Variants in TM2D1 observed in about 807,000 individuals in gnomAD.
TM2D1 encodes the protein TM2 domain containing 1, also known as TM2 domain-containing protein 1.
TM2D1 carries 15 observed loss-of-function variants against 28.4 expected under a neutral mutation model. The ratio of observed to expected loss-of-function variants is 0.53; its 90% CI spans 0.35 to 0.81. The LOEUF (loss-of-function observed/expected upper bound fraction) is 0.81, where lower values mean the gene tolerates loss of function less well. Ranked by LOEUF, TM2D1 falls within the 40% of genes least tolerant of loss-of-function variation. TM2D1 has a pLI of 0.01. For synonymous variants in TM2D1, 93 were observed against 96.2 expected, an observed-to-expected ratio of 0.97 and a Z score of 0.20; for missense variants, 236 against 254.9, an observed-to-expected ratio of 0.93 and a Z score of 0.50.
At chr1:61,716,417 A>G (rs920657427) in intron 2 of TM2D1, among the ~76,000 whole-genome samples, 52 of 146,070 alleles carry the variant, frequency 3.6e-4, no homozygotes, top group African/African-American at 1.3e-3. Context: ...TTATATATGT[A>G]TATAATTATA....
chr1:61,703,170 A>G (rs1030326562), intron 3 of TM2D1, among the ~76,000 whole-genome samples: 1 of 151,426 alleles, frequency 6.6e-6, no homozygotes, highest in Non-Finnish European at 1.5e-5. Flanking sequence ...GCATGTGACT[A>G]CAGGCACATG....
chr1:61,717,149 C>T (rs1236967582), intron 2 of TM2D1, among the ~76,000 whole-genome samples: 2 of 152,068 alleles, frequency 1.3e-5, no homozygotes, highest in East Asian at 3.9e-4. Flanking sequence ...GAGATCGAGA[C>T]CATCCTGGCT....
At chr1:61,718,028 A>C (rs1274321804) in intron 2 of TM2D1, among the ~76,000 whole-genome samples, 1 of 151,988 alleles carries the variant, frequency 6.6e-6, no homozygotes, top group Admixed American at 6.6e-5. Flanking sequence ...AAAAACAACA[A>C]CAAAAAACGC....
Position 61,715,171 on chromosome 1 carries a change from G to A in TM2D1, c.239-5734C>T, listed in dbSNP as rs191844902. On this transcript the variant is annotated intron_variant, in intron 2 of 6. Transcript: ENST00000606498. ...CCAAATAAGTAGACAGAAGACATGA[G>A]AAAATAATGAGAGAAACTCAGAATG... 6.6e-5 allele frequency among the ~76,000 whole-genome samples: 10 copies of A among 152,276 alleles called. No individual in the cohort carries two copies. The East Asian group carries it at 1.9e-3, about 29-fold the overall frequency.
chr1:61,706,431 C>G (rs1037120228), intron 3 of TM2D1, among the ~76,000 whole-genome samples: 15 of 151,976 alleles, frequency 9.9e-5, no homozygotes, highest in African/African-American at 3.6e-4. Flanking sequence ...CTCCTGAGCT[C>G]AAGCAATCCG....
At chr1:61,692,970 C>A (rs1379897541) in intron 5 of TM2D1, among the ~76,000 whole-genome samples, 1 of 152,160 alleles carries the variant, frequency 6.6e-6, no homozygotes, top group African/African-American at 2.4e-5. Flanking sequence ...AGGCCAGGTG[C>A]AGTTGCTCAC....
At chr1:61,689,650 G>C (rs1324226250) in intron 5 of TM2D1, among the ~76,000 whole-genome samples, 1 of 152,048 alleles carries the variant, frequency 6.6e-6, no homozygotes, top group Non-Finnish European at 1.5e-5. Flanking sequence ...TGAAACTATA[G>C]GCACTCATCT....
intron 5 of TM2D1, 158 bp downstream of exon 5, chr1:61,694,539 A>C: frequency 2.2e-6 from 1 of 462,840 alleles, no homozygotes; most frequent in Non-Finnish European, 3.9e-6. Flanking sequence ...GCTAGTTGGA[A>C]ACATGACCAG....
At chr1:61,717,204 A>C (rs1171633780) in intron 2 of TM2D1, among the ~76,000 whole-genome samples, 1 of 74,042 alleles carries the variant, frequency 1.4e-5, no homozygotes, top group Non-Finnish European at 2.8e-5. Flanking sequence ...AAACAAAACA[A>C]AAAAAAAAAA....
At chr1:61,694,933 AAG>A (rs543168809) in intron 4 of TM2D1, among the ~76,000 whole-genome samples, 163 bp from the exon 5 acceptor site, 155 of 152,194 alleles carry the variant, frequency 1.0e-3, no homozygotes, top group African/African-American at 3.4e-3. Context: ...TGAAAATGAG[AAG>A]AGTTTAAAGG....
chr1:61,723,814 A>T (rs755038366), intron 1 of TM2D1, 28 bp from the exon 2 acceptor site: 6 of 1,109,170 alleles, frequency 5.4e-6, no homozygotes, highest in Non-Finnish European at 7.9e-6. Context: ...GGAAATACGG[A>T]CTACATTCCA....
At chr1:61,690,032 C>G (rs1053278301) in intron 5 of TM2D1, among the ~76,000 whole-genome samples, 1 of 152,168 alleles carries the variant, frequency 6.6e-6, no homozygotes, top group Non-Finnish European at 1.5e-5. Flanking sequence ...CCCTTTACAC[C>G]ATGTGGGCAC....
intron 2 of TM2D1, among the ~76,000 whole-genome samples, chr1:61,711,108 C>T (rs1204657716): frequency 6.6e-6 from 1 of 151,904 alleles, no homozygotes; most frequent in Non-Finnish European, 1.5e-5. Flanking sequence ...GAGGCCGAGG[C>T]AGATGGATCA....
chr1:61,715,012 C>T (rs1475858517), intron 2 of TM2D1, among the ~76,000 whole-genome samples: 1 of 152,074 alleles, frequency 6.6e-6, no homozygotes, highest in Admixed American at 6.6e-5. Flanking sequence ...AGGAAAGACA[C>T]CATAGTGGAA....
intron 5 of TM2D1, among the ~76,000 whole-genome samples, chr1:61,690,554 C>T (rs1236012749): frequency 6.6e-6 from 1 of 151,238 alleles, no homozygotes; most frequent in African/African-American, 2.4e-5. Context: ...TAAAACAGGT[C>T]CTACATAAAA....
intron 2 of TM2D1, among the ~76,000 whole-genome samples, chr1:61,715,645 C>CAAAAAAAAAAAAAAAAAAA (rs759796747): frequency 6.1e-5 from 1 of 16,426 alleles, no homozygotes; most frequent in Non-Finnish European, 1.3e-4. Flanking sequence ...AAGACTGTCT[C>CAAAAAAAAAAAAAAAAAAA]AAAAAAAAAA....
chr1:61,694,810 T>C (rs1338359735), intron 4 of TM2D1, 40 bp from the exon 5 acceptor site: 1 of 1,348,184 alleles, frequency 7.4e-7, no homozygotes, highest in Non-Finnish European at 1.0e-6. Flanking sequence ...CTGGAAGGTC[T>C]TCTAAATATT....
chr1:61,681,423 A>C (rs543373329), intron 6 of TM2D1, 73 bp from the exon 7 acceptor site: 1 of 152,208 alleles, frequency 6.6e-6, no homozygotes. Context: ...GCAGATGTAC[A>C]TTTTAACATT....
chr1:61,702,616 C>T (rs1644409982), intron 3 of TM2D1, among the ~76,000 whole-genome samples: 1 of 150,832 alleles, frequency 6.6e-6, no homozygotes, highest in Admixed American at 6.6e-5. Context: ...GACCCACCCG[C>T]CTTGGCCTCC....
Sources: gnomAD v4.1 joint callset for allele counts (sites outside exome capture counted in the v4.1 genomes callset) on GRCh38, gnomAD v4.1.1 for gene constraint, MANE v1.5 for transcripts, NCBI Gene and HGNC (gene_info 2026-07-23, HGNC 2026-07-21) for gene names.